Variants in CNTNAP2 observed in about 807,000 individuals in gnomAD.
CNTNAP2 encodes the protein contactin associated protein 2.
In CNTNAP2, 98 loss-of-function variants were observed where a neutral mutation model predicts 155.2. The observed-to-expected ratio is 0.63, with a 90% CI of 0.54 to 0.75. The LOEUF (loss-of-function observed/expected upper bound fraction) is 0.75, where lower values mean the gene tolerates loss of function less well. CNTNAP2 is among the 30% of genes least tolerant of loss of function. The pLI is 0.00. For missense variants in CNTNAP2, 1,727 were observed against 1,688.1 expected, an observed-to-expected ratio of 1.02 and a Z score of -0.40; for synonymous variants, 651 against 631.2, an observed-to-expected ratio of 1.03 and a Z score of -0.47.
intron 3 of CNTNAP2, among the ~76,000 whole-genome samples, chr7:146,914,530 T>C (rs1796355412): frequency 6.6e-6 from 1 of 152,202 alleles, no homozygotes; most frequent in Non-Finnish European, 1.5e-5. Flanking sequence ...GGTTTTGATT[T>C]ACATTTCCCT....
At chr7:146,476,513 T>C (rs557933758) in intron 1 of CNTNAP2, among the ~76,000 whole-genome samples, 32 of 152,284 alleles carry the variant, frequency 2.1e-4, no homozygotes, top group Middle Eastern at 6.8e-3. Context: ...ATTATCATTA[T>C]TTTTTACTTT....
At chr7:146,419,748 C>T (rs1795986181) in intron 1 of CNTNAP2, among the ~76,000 whole-genome samples, 1 of 152,020 alleles carries the variant, frequency 6.6e-6, no homozygotes, top group African/African-American at 2.4e-5. Flanking sequence ...CGGCTTCTAT[C>T]CAAAAGACAC....
chr7:147,630,767 C>G (rs1247911150), intron 12 of CNTNAP2, among the ~76,000 whole-genome samples: 1 of 152,084 alleles, frequency 6.6e-6, no homozygotes, highest in Non-Finnish European at 1.5e-5. Context: ...TGACAAAGTC[C>G]AGCATCCCTT....
chr7:147,182,631 C>A (rs1462307879), intron 8 of CNTNAP2, among the ~76,000 whole-genome samples: 4 of 151,636 alleles, frequency 2.6e-5, no homozygotes, highest in African/African-American at 9.7e-5. Context: ...TAAAAAAAAA[C>A]CCTTTTATGT....
intron 21 of CNTNAP2, among the ~76,000 whole-genome samples, chr7:148,304,493 A>C (rs528062849): frequency 6.6e-6 from 1 of 152,192 alleles, no homozygotes; most frequent in Admixed American, 6.5e-5. Flanking sequence ...AGGGGTCAGC[A>C]GACTTTTCCT....
chr7:146,660,636 T>C (rs1192047873), intron 1 of CNTNAP2, among the ~76,000 whole-genome samples: 1 of 152,184 alleles, frequency 6.6e-6, no homozygotes, highest in African/African-American at 2.4e-5. Flanking sequence ...TCTCAATAAA[T>C]GGGAGGTGTT....
At chr7:147,124,084 T>C (rs116657940) in intron 6 of CNTNAP2, among the ~76,000 whole-genome samples, 3,004 of 152,158 alleles carry the variant, frequency 0.02, 82 homozygotes, top group African/African-American at 0.068. Flanking sequence ...ACGGACTGTA[T>C]TAGAGTCAGT....
chr7:146,456,343 T>C (rs963523246), intron 1 of CNTNAP2, among the ~76,000 whole-genome samples: 2 of 152,198 alleles, frequency 1.3e-5, no homozygotes, highest in Admixed American at 1.3e-4. Context: ...CGGGTCAGTC[T>C]GCTGGTCAAA....
Position 146,220,237 on chromosome 7 carries a change from T to C in CNTNAP2, c.97+103264T>C, listed in dbSNP as rs146371012. Among the ~76,000 whole-genome samples, 72 of 152,238 alleles carry C rather than the reference T, an allele frequency of 4.7e-4. 1 individual carries two copies. In the East Asian group the frequency reaches 0.011, roughly 22 times the overall value. ...TGACTTTGGCGTCAAGGAATGCTTG[T>C]ATAAGATGTTTGCCCTTCATGAAAA... On this transcript the variant is annotated intron_variant, in intron 1 of 23. Coordinates refer to ENST00000361727, the MANE Select transcript of CNTNAP2 (RefSeq NM_014141.6).
rs561460759 is a variant in CNTNAP2, at chr7:146,245,817, G to A, written c.97+128844G>A. On this transcript the variant is annotated intron_variant, in intron 1 of 23. Transcript: ENST00000361727. The stretch of plus-strand genomic sequence containing the variant: ...TATCAGGGTCAGTCCAAGTGAAAGC[G>A]AAGAGAGGCTGGGATGACGGGTGCA... Among the ~76,000 whole-genome samples, 8 of 151,676 alleles carry A rather than the reference G, an allele frequency of 5.3e-5. No homozygotes were observed. The South Asian group carries it at 8.3e-4, about 16-fold the overall frequency.
At chr7:147,051,163 A>G (rs1799464849) in intron 4 of CNTNAP2, among the ~76,000 whole-genome samples, 1 of 137,114 alleles carries the variant, frequency 7.3e-6, no homozygotes, top group African/African-American at 3.1e-5. Context: ...ATTAAACACA[A>G]TATTATATAT....
At chr7:148,372,455 C>T (rs992094700) in intron 21 of CNTNAP2, among the ~76,000 whole-genome samples, 1 of 152,120 alleles carries the variant, frequency 6.6e-6, no homozygotes, top group South Asian at 2.1e-4. Context: ...TGTCTGTAAT[C>T]CCAGCACTTT....
At chr7:147,217,736 TA>T (rs1803305855) in intron 8 of CNTNAP2, among the ~76,000 whole-genome samples, 1 of 152,052 alleles carries the variant, frequency 6.6e-6, no homozygotes, top group South Asian at 2.1e-4. Flanking sequence ...ATTTATTCTT[TA>T]AAAGTTTGGT....
At chr7:147,211,353 A>T (rs967079566) in intron 8 of CNTNAP2, among the ~76,000 whole-genome samples, 1 of 151,936 alleles carries the variant, frequency 6.6e-6, no homozygotes, top group Non-Finnish European at 1.5e-5. Context: ...ACGTCTTCTC[A>T]TTGAATTGAA....
At chr7:146,394,547 TAC>T (rs917124347) in intron 1 of CNTNAP2, among the ~76,000 whole-genome samples, 2 of 152,080 alleles carry the variant, frequency 1.3e-5, no homozygotes, top group Non-Finnish European at 2.9e-5. Context: ...TTGGCCTGTA[TAC>T]ACTTTCATGA....
intron 1 of CNTNAP2, among the ~76,000 whole-genome samples, chr7:146,322,846 T>C (rs1486402748): frequency 6.6e-6 from 1 of 151,876 alleles, no homozygotes; most frequent in Non-Finnish European, 1.5e-5. Flanking sequence ...ATACATATAA[T>C]GGGTTATGAA....
chr7:148,200,952 A>G (rs138375322), intron 18 of CNTNAP2, among the ~76,000 whole-genome samples: 2 of 152,286 alleles, frequency 1.3e-5, no homozygotes, highest in African/African-American at 4.8e-5. Context: ...TGGTGCTGAA[A>G]TTTAAAGACA....
At chr7:146,401,107 A>G (rs1201142535) in intron 1 of CNTNAP2, among the ~76,000 whole-genome samples, 1 of 152,182 alleles carries the variant, frequency 6.6e-6, no homozygotes, top group Non-Finnish European at 1.5e-5. Flanking sequence ...TTTAAATTTC[A>G]TTGCACACCT....
At chr7:147,711,409 T>C (rs990934710) in intron 13 of CNTNAP2, among the ~76,000 whole-genome samples, 5 of 152,196 alleles carry the variant, frequency 3.3e-5, no homozygotes, top group Non-Finnish European at 7.3e-5. Context: ...AATTGGACTC[T>C]GCTGTACTCA....
Sources: allele counts gnomAD v4.1 joint callset (sites outside exome capture counted in the v4.1 genomes callset), GRCh38; gene constraint gnomAD v4.1.1; transcripts MANE v1.5; gene names NCBI Gene and HGNC (gene_info 2026-07-23, HGNC 2026-07-21).